Variants in CNTN6 observed in about 807,000 individuals in gnomAD.
The protein encoded by CNTN6 is contactin 6.
In CNTN6, 137 loss-of-function variants were observed where a neutral mutation model predicts 122.8. The ratio of observed to expected loss-of-function variants is 1.12; its 90% CI spans 0.97 to 1.29. The LOEUF (loss-of-function observed/expected upper bound fraction) is 1.29. Ranked by LOEUF, CNTN6 falls within the 50% of genes most tolerant of loss-of-function variation. The pLI, the probability that CNTN6 is intolerant of heterozygous loss-of-function variation, is 0.00. For missense variants in CNTN6, 1,634 were observed against 1,223.4 expected, an observed-to-expected ratio of 1.34 and a Z score of -5.01; for synonymous variants, 570 against 426.0, an observed-to-expected ratio of 1.34 and a Z score of -4.16.
chr3:1,202,413 G>T (rs981739963), intron 2 of CNTN6, among the ~76,000 whole-genome samples: 2 of 151,916 alleles, frequency 1.3e-5, no homozygotes, highest in East Asian at 1.9e-4. Flanking sequence ...GGTGGCGGGC[G>T]CCTGTAGTCC....
At chr3:1,325,005 T>C (rs1419643378) in intron 8 of CNTN6, among the ~76,000 whole-genome samples, 1 of 139,622 alleles carries the variant, frequency 7.2e-6, no homozygotes, top group Non-Finnish European at 1.5e-5. Flanking sequence ...CAGAACTAAA[T>C]AAAGGAGAGG....
rs1695999323 is a variant in CNTN6 at position 1,403,501 on chromosome 3, GTTC to G, written c.*86_*88del. The stretch of plus-strand genomic sequence containing the variant: ...CTCTCCAGCCTCTGACACAAGATGC[GTTC>G]TTAATACAGACTTGTTTGCAAAGAA... On this transcript the variant is annotated 3_prime_UTR_variant, in exon 23 of 23. Coordinates refer to ENST00000446702, the MANE Select transcript of CNTN6 (RefSeq NM_001289080.2). The G allele has an allele frequency of 2.6e-6, 2 of 761,068 alleles. No individual in the cohort carries two copies. Among genetic ancestry groups the G allele is most frequent in the Non-Finnish European group, 4.4e-6 (2 of 458,020 alleles). The allele number at this position is 761,068 out of a possible 1,614,324, so 47.1% of individuals were successfully genotyped here. A position where few individuals can be genotyped will look rare whatever the true frequency, so the allele number is the denominator to read the frequency against.
rs552136110 is a variant in CNTN6, at chr3:1,133,532, T to A, written c.-82-14395T>A. ...AAGTAACTCACACAAATCCTTCACC[T>A]AGTGAGAGCCACAGGTCAGATTTAA... On this transcript the variant is annotated intron_variant, in intron 1 of 22. Coordinates refer to ENST00000446702, the MANE Select transcript of CNTN6 (RefSeq NM_001289080.2). Among the ~76,000 whole-genome samples, 23 of 152,290 alleles carry A rather than the reference T, an allele frequency of 1.5e-4. No homozygotes were observed. In the South Asian group the frequency reaches 4.6e-3, roughly 30 times the overall value.
At chr3:1,256,052 G>A (rs1210648657) in intron 4 of CNTN6, among the ~76,000 whole-genome samples, 1 of 151,716 alleles carries the variant, frequency 6.6e-6, no homozygotes, top group Non-Finnish European at 1.5e-5. Flanking sequence ...AGATTTTTTT[G>A]TAGAGACAAG....
intron 11 of CNTN6, among the ~76,000 whole-genome samples, chr3:1,335,861 T>G (rs1488378614): frequency 6.6e-6 from 1 of 151,922 alleles, no homozygotes; most frequent in Admixed American, 6.6e-5. Context: ...AGACCCTGTC[T>G]CTGCAAAAAA....
intron 12 of CNTN6, among the ~76,000 whole-genome samples, chr3:1,363,878 C>G (rs1429383889): frequency 6.6e-6 from 1 of 151,944 alleles, no homozygotes; most frequent in Admixed American, 6.6e-5. Flanking sequence ...TTCCCACCAA[C>G]AGTATGTAAG....
In CNTN6 at chr3:1,403,969, T is replaced by G. The variant is rs1696037071; in HGVS notation, c.*551T>G. On this transcript the variant is annotated 3_prime_UTR_variant, in exon 23 of 23. Transcript: ENST00000446702. Reference sequence around the variant, plus strand: ...TATTTCAATATACATGATGTTCTTCTCAGCCCACTTTTCAGAAGATTCAGT... The same window carrying G: ...TATTTCAATATACATGATGTTCTTCGCAGCCCACTTTTCAGAAGATTCAGT... 6.6e-6 allele frequency: 1 copy of G among 152,160 alleles called. No individual in the cohort carries two copies. Among genetic ancestry groups the G allele is most frequent in the African/African-American group, 2.4e-5 (1 of 41,452 alleles). 9.4% of individuals were successfully genotyped at this position (152,160 alleles called of 1,614,324 possible).
intron 2 of CNTN6, among the ~76,000 whole-genome samples, chr3:1,210,081 A>G (rs187655024): frequency 6.6e-6 from 1 of 152,062 alleles, no homozygotes; most frequent in African/African-American, 2.4e-5. Flanking sequence ...TCTTTCTCCT[A>G]TGAAGTAAGT....
chr3:1,213,765 G>A (rs1208565098), intron 2 of CNTN6, among the ~76,000 whole-genome samples: 1 of 151,634 alleles, frequency 6.6e-6, no homozygotes, highest in Non-Finnish European at 1.5e-5. Context: ...TTAGAAAACA[G>A]AATAAAACAA....
Position 1,352,414 on chromosome 3 carries a change from T to C in CNTN6, c.1455T>C (p.Phe485=). 1 of 1,609,812 alleles carries C rather than the reference T, an allele frequency of 6.2e-7. No homozygotes were observed. The highest frequency in any genetic ancestry group is 8.5e-7 in the Non-Finnish European group (1 of 1,177,236). The change falls in exon 12 of 23, where the codon TTT becomes TTC. Residue 485 remains phenylalanine (F), a synonymous_variant. Transcript: ENST00000446702. ...GSYTCIATNQ[F]GTAKNTGSLI... ...ATACATGCATAGCCACAAATCAGTT[T>C]GGCACTGCAAAGAACACTGGCAGCC...
intron 7 of CNTN6, among the ~76,000 whole-genome samples, chr3:1,305,807 A>T (rs1575628567): frequency 6.6e-6 from 1 of 151,156 alleles, no homozygotes; most frequent in Non-Finnish European, 1.5e-5. Context: ...TGTATAACTT[A>T]TTTTTTTTTC....
chr3:1,190,613 G>C (rs1486165801), intron 2 of CNTN6, among the ~76,000 whole-genome samples: 1 of 152,060 alleles, frequency 6.6e-6, no homozygotes, highest in Non-Finnish European at 1.5e-5. Context: ...TTTAAGAATT[G>C]GGAAAATCCT....
At chr3:1,270,871 A>G (rs1157528089) in intron 4 of CNTN6, among the ~76,000 whole-genome samples, 1 of 151,490 alleles carries the variant, frequency 6.6e-6, no homozygotes, top group African/African-American at 2.4e-5. Context: ...TCGAGCCACA[A>G]TATTTGTTTC....
chr3:1,241,710 A>G (rs2094487592), intron 4 of CNTN6, among the ~76,000 whole-genome samples: 1 of 152,124 alleles, frequency 6.6e-6, no homozygotes. Context: ...AGATTGATTT[A>G]GGTAAAAACA....
intron 17 of CNTN6, among the ~76,000 whole-genome samples, chr3:1,377,832 G>T (rs1710099924): frequency 1.3e-5 from 2 of 152,144 alleles, no homozygotes; most frequent in South Asian, 4.1e-4. Flanking sequence ...GAAAGGAAAA[G>T]GTCTGGATTG....
rs144444247 is a variant in CNTN6 at position 1,184,512 on chromosome 3, T to G, written c.56-36175T>G. On this transcript the variant is annotated intron_variant, in intron 2 of 22. Coordinates refer to ENST00000446702, the MANE Select transcript of CNTN6 (RefSeq NM_001289080.2). ...GTATGTATCATAAAAATGCCTCTCT[T>G]TAACTAAATTGTGGATATTTGTCTA... Among the ~76,000 whole-genome samples, 430 of 152,302 alleles carry G rather than the reference T, an allele frequency of 2.8e-3. 2 individuals carry two copies. The highest frequency in any genetic ancestry group is 0.01 in the African/African-American group (421 of 41,566).
At chr3:1,244,369 G>A (rs538667186) in intron 4 of CNTN6, among the ~76,000 whole-genome samples, 3 of 150,846 alleles carry the variant, frequency 2.0e-5, no homozygotes, top group Admixed American at 2.0e-4. Context: ...AGGAGAAGGG[G>A]TTGAGGGGTA....
intron 3 of CNTN6, among the ~76,000 whole-genome samples, chr3:1,223,383 A>C (rs1468725383): frequency 6.6e-6 from 1 of 152,210 alleles, no homozygotes; most frequent in Non-Finnish European, 1.5e-5. Flanking sequence ...CCATACAGCA[A>C]ATGAAATCTC....
intron 11 of CNTN6, among the ~76,000 whole-genome samples, chr3:1,330,438 G>A (rs1702131133): frequency 6.6e-6 from 1 of 151,762 alleles, no homozygotes. Flanking sequence ...AGAAACCCTA[G>A]GTCAGCACTG....
Sources: gnomAD v4.1 joint callset for allele counts (sites outside exome capture counted in the v4.1 genomes callset) on GRCh38, gnomAD v4.1.1 for gene constraint, MANE v1.5 for transcripts, NCBI Gene and HGNC (gene_info 2026-07-23, HGNC 2026-07-21) for gene names.